Variants in DCAF6 observed in about 807,000 individuals in gnomAD.
DCAF6 encodes the protein DDB1- and CUL4-associated factor 6.
In DCAF6, 54 loss-of-function variants were observed where a neutral mutation model predicts 125.1. The ratio of observed to expected loss-of-function variants is 0.43; its 90% CI spans 0.35 to 0.54. The LOEUF is 0.54. Among genes scored for constraint, DCAF6 ranks in the 20% least tolerant of loss-of-function variants. DCAF6 has a pLI of 0.01. For synonymous variants in DCAF6, 371 were observed against 390.4 expected (o/e 0.95, Z 0.58); for missense variants, 934 against 1,161.7 (o/e 0.80, Z 2.85).
At chr1:168,048,922 T>TCC (rs1361588873) in intron 16 of DCAF6, among the ~76,000 whole-genome samples, 1 of 152,230 alleles carries the variant, frequency 6.6e-6, no homozygotes, top group Non-Finnish European at 1.5e-5. Flanking sequence ...TCTATAGTAA[T>TCC]CAGTGTTATA....
intron 16 of DCAF6, among the ~76,000 whole-genome samples, chr1:168,049,158 A>C (rs1689508957): frequency 6.6e-6 from 1 of 152,244 alleles, no homozygotes; most frequent in Non-Finnish European, 1.5e-5. Flanking sequence ...AATGTCAAAA[A>C]TAAGTCTGAC....
intron 17 of DCAF6, among the ~76,000 whole-genome samples, chr1:168,053,748 C>T (rs1234614351): frequency 1.3e-5 from 2 of 152,154 alleles, no homozygotes; most frequent in Non-Finnish European, 1.5e-5. Context: ...ACCACAGTCA[C>T]CTGAATTCCA....
At chr1:167,969,212 G>T (rs1191990736) in intron 3 of DCAF6, 4 of 151,970 alleles carry the variant, frequency 2.6e-5, no homozygotes, top group Non-Finnish European at 5.9e-5. Context: ...AGGTTATATA[G>T]TGATGTTTGA....
At chr1:167,983,502 A>G (rs137901174) in intron 4 of DCAF6, among the ~76,000 whole-genome samples, 41 of 152,210 alleles carry the variant, frequency 2.7e-4, no homozygotes, top group African/African-American at 9.4e-4. Flanking sequence ...GTCTTTGTCA[A>G]AGGGGCCTGT....
chr1:167,948,208 T>C lies in DCAF6; in HGVS notation c.98-3592T>C, dbSNP rs542989533. 5.9e-5 allele frequency among the ~76,000 whole-genome samples: 9 copies of C among 152,142 alleles called. No individual in the cohort carries two copies. In the East Asian group the frequency reaches 1.7e-3, roughly 29 times the overall value. ...TTTAGGATTCACTCTTCACTTTGAC[T>C]TCAGACAGTCTGATTATAATGTTGC... On this transcript the variant is annotated intron_variant, in intron 1 of 21. Coordinates refer to ENST00000367840, the MANE Select transcript of DCAF6 (RefSeq NM_001198956.2).
intron 7 of DCAF6, among the ~76,000 whole-genome samples, chr1:167,995,586 A>T (rs1441641968): frequency 6.6e-6 from 1 of 151,812 alleles, no homozygotes; most frequent in Non-Finnish European, 1.5e-5. Context: ...AGGTTGAGGC[A>T]GGAGAATTGC....
chr1:167,865,456 C>T, the DCAF6 span, among the ~76,000 whole-genome samples: 1 of 152,146 alleles, frequency 6.6e-6, no homozygotes, highest in Non-Finnish European at 1.5e-5. Flanking sequence ...AAAAACTTAC[C>T]TTATGGTCAA....
chr1:167,891,529 G>T, the DCAF6 span, among the ~76,000 whole-genome samples: 1 of 151,588 alleles, frequency 6.6e-6, no homozygotes, highest in Non-Finnish European at 1.5e-5. Flanking sequence ...GGTGGCGGGC[G>T]CCTGTAGTCC....
chr1:167,896,633 G>A, the DCAF6 span: 123,354 of 1,611,658 alleles, frequency 0.077, 5,435 homozygotes, highest in African/African-American at 0.15. Context: ...CATGAAGGTC[G>A]TACACTTTGT....
rs181775330 is a variant in DCAF6, at chr1:167,959,661, G to T, written c.160-6968G>T. Among the ~76,000 whole-genome samples, 296 of 152,294 alleles carry T rather than the reference G, an allele frequency of 1.9e-3. 1 individual carries two copies. Among genetic ancestry groups the T allele is most frequent in the Non-Finnish European group, 2.6e-3 (176 of 68,016 alleles). On this transcript the variant is annotated intron_variant, in intron 2 of 21. Transcript: ENST00000367840. ...GGATTATCTTTTCATATGCTCGTTT[G>T]CAATCTGTGTATCTTTGCTGAGGTG... is the stretch of plus-strand genomic sequence containing the variant.
the DCAF6 span, among the ~76,000 whole-genome samples, chr1:167,868,443 T>C: frequency 6.6e-6 from 1 of 152,192 alleles, no homozygotes; most frequent in African/African-American, 2.4e-5. Flanking sequence ...AAAAACTGTA[T>C]AATGGTACCA....
chr1:167,924,412 A>T, the DCAF6 span: 1 of 1,104,984 alleles, frequency 9.0e-7, no homozygotes, highest in Non-Finnish European at 1.3e-6. Context: ...TCTAAAGTAT[A>T]TCCTTCATAA....
intron 11 of DCAF6, among the ~76,000 whole-genome samples, chr1:168,017,991 C>A (rs1023688992): frequency 7.9e-5 from 12 of 152,068 alleles, no homozygotes; most frequent in Admixed American, 1.3e-4. Context: ...GATTTGGAAA[C>A]CAAGAAATTT....
the DCAF6 span, among the ~76,000 whole-genome samples, chr1:167,910,521 G>A: frequency 6.6e-6 from 1 of 152,204 alleles, no homozygotes; most frequent in Non-Finnish European, 1.5e-5. Flanking sequence ...TGTAATGTGG[G>A]ACCCTGCAAT....
chr1:167,925,474 T>TATATATATATAC, the DCAF6 span, among the ~76,000 whole-genome samples: 1 of 96,814 alleles, frequency 1.0e-5, no homozygotes, highest in South Asian at 3.1e-4. Flanking sequence ...TATATATATA[T>TATATATATATAC]ACATATACAT....
intron 2 of DCAF6, among the ~76,000 whole-genome samples, chr1:167,960,865 C>G (rs1359590106): frequency 6.6e-6 from 1 of 152,108 alleles, no homozygotes; most frequent in African/African-American, 2.4e-5. Flanking sequence ...ATCAGTTTGT[C>G]AATACCCACA....
intron 4 of DCAF6, among the ~76,000 whole-genome samples, chr1:167,980,080 C>A (rs1163559454): frequency 1.3e-5 from 2 of 152,144 alleles, no homozygotes; most frequent in African/African-American, 4.8e-5. Flanking sequence ...ACTTGGGAGG[C>A]TGAGGCAGGA....
chr1:167,944,461 C>T (rs1672755344), intron 1 of DCAF6, among the ~76,000 whole-genome samples: 1 of 152,066 alleles, frequency 6.6e-6, no homozygotes, highest in Non-Finnish European at 1.5e-5. Flanking sequence ...CTTTTTTTCA[C>T]ATGATAACCA....
chr1:167,952,753 C>A (rs1471440481), intron 2 of DCAF6, among the ~76,000 whole-genome samples: 1 of 152,172 alleles, frequency 6.6e-6, no homozygotes, highest in Non-Finnish European at 1.5e-5. Context: ...AACATGACTT[C>A]TGCCTCTTCC....
Sources: allele counts gnomAD v4.1 joint callset (sites outside exome capture counted in the v4.1 genomes callset), GRCh38; gene constraint gnomAD v4.1.1; transcripts MANE v1.5; gene names NCBI Gene and HGNC (gene_info 2026-07-23, HGNC 2026-07-21).